The following GOLGB1 variants were observed in gnomAD, a reference collection of about 807,000 sequenced individuals.
GOLGB1 encodes golgin subfamily B member 1.
GOLGB1 carries 174 observed loss-of-function variants against 336.9 expected under a neutral mutation model. That is an observed-to-expected ratio of 0.52 (90% CI 0.46 to 0.59). GOLGB1 has a LOEUF of 0.59. GOLGB1 is among the 20% of genes least tolerant of loss of function. The pLI is 0.00. For missense variants in GOLGB1, 3,331 were observed against 3,645.3 expected (o/e 0.91, Z 2.22); for synonymous variants, 1,208 against 1,289.2 (o/e 0.94, Z 1.35).
intron 17 of GOLGB1, among the ~76,000 whole-genome samples, chr3:121,670,138 G>A (rs1560165861): frequency 6.6e-6 from 1 of 152,180 alleles, no homozygotes; most frequent in Non-Finnish European, 1.5e-5. Flanking sequence ...TCTACCCATT[G>A]ATTTGAATTT....
intron 1 of GOLGB1, among the ~76,000 whole-genome samples, chr3:121,746,244 G>C (rs1455041417): frequency 6.6e-6 from 1 of 152,102 alleles, no homozygotes; most frequent in Non-Finnish European, 1.5e-5. Flanking sequence ...AGGGGCTAAT[G>C]GGTAGTGCTG....
At chr3:121,728,311 G>T (rs1161357071) in intron 4 of GOLGB1, among the ~76,000 whole-genome samples, 1 of 152,176 alleles carries the variant, frequency 6.6e-6, no homozygotes, top group Non-Finnish European at 1.5e-5. Flanking sequence ...CGATCCCAAA[G>T]GTTGTGCCTA....
intron 10 of GOLGB1, among the ~76,000 whole-genome samples, chr3:121,703,853 AGAATTTT>A (rs1943600294): frequency 1.3e-5 from 2 of 152,234 alleles, no homozygotes; most frequent in African/African-American, 4.8e-5. Context: ...GTAGCAAACA[AGAATTTT>A]AATAAAGAAG....
At chr3:121,692,866 C>T (rs553758103) in intron 13 of GOLGB1, among the ~76,000 whole-genome samples, 54 of 152,222 alleles carry the variant, frequency 3.5e-4, no homozygotes, top group African/African-American at 1.1e-3. Context: ...TGAAAAGTAA[C>T]ATTTTCTCCT....
chr3:121,693,005 T>C (rs1342340003), intron 13 of GOLGB1, among the ~76,000 whole-genome samples: 1 of 152,182 alleles, frequency 6.6e-6, no homozygotes, highest in Non-Finnish European at 1.5e-5. Context: ...ATACAAAGGA[T>C]GAGAGACATT....
chr3:121,689,315 C>G (rs1421625147), intron 14 of GOLGB1, among the ~76,000 whole-genome samples: 2 of 152,216 alleles, frequency 1.3e-5, no homozygotes, highest in Non-Finnish European at 2.9e-5. Context: ...AAGAAAAAAT[C>G]TTCGGCCTTG....
chr3:121,686,873 T>C (rs1941791348), intron 14 of GOLGB1, among the ~76,000 whole-genome samples: 1 of 152,070 alleles, frequency 6.6e-6, no homozygotes, highest in Admixed American at 6.6e-5. Context: ...TATGGGTAAG[T>C]AGGAAGTACC....
chr3:121,712,884 C>G (rs1001689409), intron 10 of GOLGB1, among the ~76,000 whole-genome samples: 10 of 152,298 alleles, frequency 6.6e-5, no homozygotes, highest in Admixed American at 2.0e-4. Context: ...ACAACCACAG[C>G]CAGGTGCGGT....
intron 1 of GOLGB1, among the ~76,000 whole-genome samples, chr3:121,743,697 A>G (rs1261364190): frequency 6.6e-6 from 1 of 152,228 alleles, no homozygotes; most frequent in Non-Finnish European, 1.5e-5. Context: ...TTATAAAATA[A>G]GTCACCAATG....
rs560092463 is a variant in GOLGB1, at chr3:121,718,238, A to C, written c.885+150T>G. On this transcript the variant is annotated intron_variant, in intron 8 of 21. Transcript: ENST00000614479. ...TTGCTCATAATTGTACTGCATCCCC[A>C]CCACTTAAGTACGAGGTATTTGTTG... 10 of 606,022 alleles carry C rather than the reference A, an allele frequency of 1.7e-5. No homozygotes were observed. In the East Asian group the frequency reaches 2.8e-4, roughly 17 times the overall value. The allele number at this position is 606,022 out of a possible 1,614,324, so 37.5% of individuals were successfully genotyped here.
chr3:121,671,717 T>C (rs1015922659), intron 17 of GOLGB1, among the ~76,000 whole-genome samples: 29 of 152,338 alleles, frequency 1.9e-4, no homozygotes, highest in Non-Finnish European at 2.9e-4. Context: ...CACCTATTGA[T>C]TTACCTAACA....
rs758333830 is a variant in GOLGB1, at chr3:121,694,004, C to A, written c.6519G>T (p.Lys2173Asn). The A allele has an allele frequency of 2.5e-5, 41 of 1,614,034 alleles. No homozygotes were observed. Among genetic ancestry groups the A allele is most frequent in the Non-Finnish European group, 3.2e-5 (38 of 1,180,034 alleles). Residue 2173 changes from lysine (K) to asparagine (N), a missense_variant, in exon 13 of 22, where the codon AAG (lysine) becomes AAT (asparagine). Transcript: ENST00000614479. ...GAAGTTGCTGAACTTCCTTGTCTTT[C>A]TTGTTCAAAGTAACCTGAATCTCTC... is the stretch of plus-strand genomic sequence containing the variant. ...TIGEIQVTLN[K>N]KDKEVQQLQE... is the part of the protein sequence containing the mutation.
chr3:121,693,902 G>A lies in GOLGB1; in HGVS notation c.6621C>T (p.Asp2207=). ...ATTTCTTAGCTTCATCTATCACCCT[G>A]TCACGATCATCCTGGAGGGAAGACA... ...KSMSSLQDDR[D]RVIDEAKKWE... Residue 2207 remains aspartate (D), a synonymous_variant, in exon 13 of 22, where the codon GAC becomes GAT. Coordinates refer to ENST00000614479, the MANE Select transcript of GOLGB1 (RefSeq NM_001366282.2). The A allele has an allele frequency of 1.2e-6, 2 of 1,613,902 alleles. No individual in the cohort carries two copies. The highest frequency in any genetic ancestry group is 1.7e-6 in the Non-Finnish European group (2 of 1,179,796).
intron 7 of GOLGB1, 152 bp from the exon 8 acceptor site, chr3:121,718,653 C>A: frequency 4.9e-6 from 3 of 609,572 alleles, no homozygotes; most frequent in Admixed American, 2.9e-5. Flanking sequence ...CATGCTCCCC[C>A]CATCCAGCAG....
intron 15 of GOLGB1, among the ~76,000 whole-genome samples, 184 bp from the exon 16 acceptor site, chr3:121,677,634 T>C (rs1940586429): frequency 6.6e-6 from 1 of 152,220 alleles, no homozygotes; most frequent in African/African-American, 2.4e-5. Flanking sequence ...AATCTTTTTT[T>C]CTCTATCTCC....
rs935582912 is a variant in GOLGB1 at position 121,686,943 on chromosome 3, G to T, written c.8694+3727C>A. On this transcript the variant is annotated intron_variant, in intron 14 of 21. Transcript: ENST00000614479. ...GGTGTGAATGAAGGGTATGAGTAGG[G>T]AGCAGTAAAAGGGAACGCTGGAAAG... 3.9e-5 allele frequency among the ~76,000 whole-genome samples: 6 copies of T among 152,278 alleles called. No homozygotes were observed. In the South Asian group the frequency reaches 1.2e-3, roughly 32 times the overall value.
intron 11 of GOLGB1, among the ~76,000 whole-genome samples, chr3:121,701,124 A>C (rs1943368142): frequency 6.6e-6 from 1 of 152,194 alleles, no homozygotes; most frequent in Non-Finnish European, 1.5e-5. Context: ...AGGTGAGTTG[A>C]AAACAACATG....
intron 1 of GOLGB1, among the ~76,000 whole-genome samples, chr3:121,734,908 AG>A (rs1946376690): frequency 6.6e-6 from 1 of 152,234 alleles, no homozygotes; most frequent in Non-Finnish European, 1.5e-5. Flanking sequence ...TCCCTCAACA[AG>A]TGAATGAATA....
In GOLGB1 at chr3:121,664,151, T is replaced by C. The variant is rs550411598; in HGVS notation, c.*329A>G. 1.5e-5 allele frequency: 4 copies of C among 270,946 alleles called. No individual in the cohort carries two copies. Among genetic ancestry groups the C allele is most frequent in the African/African-American group, 6.4e-5 (3 of 46,882 alleles). 16.8% of individuals were successfully genotyped at this position (270,946 alleles called of 1,614,324 possible). ...ATTGAAACCATCCTCTTGGCTTGGC[T>C]GAAAGACATTCCTCAGTATCTTTTA... On this transcript the variant is annotated 3_prime_UTR_variant, in exon 22 of 22. Coordinates refer to ENST00000614479, the MANE Select transcript of GOLGB1 (RefSeq NM_001366282.2).
Sources: allele counts gnomAD v4.1 joint callset (sites outside exome capture counted in the v4.1 genomes callset), GRCh38; gene constraint gnomAD v4.1.1; transcripts MANE v1.5; gene names NCBI Gene and HGNC (gene_info 2026-07-23, HGNC 2026-07-21).